The following TARS1 variants were observed in gnomAD, a reference collection of about 807,000 sequenced individuals.
TARS1 encodes the protein threonyl-tRNA synthetase 1.
In TARS1, 57 loss-of-function variants were observed where a neutral mutation model predicts 97.7. That is an observed-to-expected ratio of 0.58 (90% CI 0.47 to 0.73). The LOEUF is 0.73. Ranked by LOEUF, TARS1 falls within the 30% of genes least tolerant of loss-of-function variation. The probability of loss-of-function intolerance (pLI) is 0.00; values close to 1 mark genes in which losing one functional copy is unlikely to be tolerated. For synonymous variants in TARS1, 312 were observed against 293.7 expected (o/e 1.06, Z -0.64); for missense variants, 806 against 888.3 (o/e 0.91, Z 1.18).
rs768312357 is a variant in TARS1, at chr5:33,458,712, A to C, written c.1083+48A>C. The C allele has an allele frequency of 2.3e-5, 33 of 1,408,680 alleles. No homozygotes were observed. In the South Asian group the frequency reaches 3.3e-4, roughly 14 times the overall value. 87.3% of individuals were successfully genotyped at this position (1,408,680 alleles called of 1,614,324 possible). On this transcript the variant is annotated intron_variant, in intron 10 of 18. Transcript: ENST00000265112. The stretch of plus-strand genomic sequence containing the variant: ...TTCTTTAGATTTAGGATATGTGATC[A>C]TTTTATTAAATAAGGTCTACTAAAA...
At chr5:33,460,115 T>A (rs1416781310) in intron 11 of TARS1, 3 of 331,938 alleles carry the variant, frequency 9.0e-6, no homozygotes, top group Non-Finnish European at 1.6e-5. Context: ...TGCAGGTATA[T>A]GCCACCATGC....
chr5:33,441,435 C>T (rs1283039632), intron 1 of TARS1: 3 of 347,754 alleles, frequency 8.6e-6, no homozygotes, highest in Non-Finnish European at 1.6e-5. Flanking sequence ...TAGTTAGACG[C>T]GGAGACAGAA....
intron 1 of TARS1, among the ~76,000 whole-genome samples, chr5:33,443,202 C>G (rs1044446140): frequency 3.3e-5 from 5 of 152,198 alleles, no homozygotes; most frequent in African/African-American, 1.2e-4. Context: ...AATTTCCCAG[C>G]TCTATTACTT....
rs530559408 is a variant in TARS1 at position 33,454,603 on chromosome 5, A to G, written c.454-342A>G. On this transcript the variant is annotated intron_variant, in intron 4 of 18. Coordinates refer to ENST00000265112, the MANE Select transcript of TARS1 (RefSeq NM_152295.5). ...GCTGTGGGCACATTGACTCAAAAGA[A>G]CCTGGGCCATTGCAATCAATGAGTT... Among the ~76,000 whole-genome samples the G allele has an allele frequency of 1.6e-4, 25 of 152,356 alleles. No homozygotes were observed. The South Asian group carries it at 4.8e-3, about 29-fold the overall frequency.
At chr5:33,441,449 G>A (rs562782679) in intron 1 of TARS1, 10 of 331,404 alleles carry the variant, frequency 3.0e-5, no homozygotes, top group Middle Eastern at 9.1e-4. Flanking sequence ...GACAGAATCA[G>A]AATCTTAGGC....
intron 11 of TARS1, 162 bp downstream of exon 11, chr5:33,460,023 C>A: frequency 1.5e-6 from 1 of 653,388 alleles, no homozygotes; most frequent in African/African-American, 1.9e-5. Flanking sequence ...CTGATTAGAT[C>A]CCCACTTTTT....
rs759432043 is a variant in TARS1, at chr5:33,453,340, G to A, written c.381G>A (p.Trp127Ter). The A allele has an allele frequency of 6.2e-7, 1 of 1,612,252 alleles. No homozygotes were observed. The highest frequency in any genetic ancestry group is 1.3e-5 in the African/African-American group (1 of 74,562). The change falls in exon 4 of 19, where the codon TGG becomes TGA. Residue 127 changes from tryptophan (W) to a stop codon, truncating the protein, a stop_gained. Transcript: ENST00000265112. LOFTEE classifies it high-confidence loss of function. ...TTGCTAAAGTAAATAATGTTGTGTG[G>A]GACCTGGACCGCCCTCTGGAAGAAG... Reference protein sequence around the residue: ...TVIAKVNNVVWDLDRPLEEDC... With the variant: ...TVIAKVNNVV
In TARS1 at chr5:33,459,779, C is replaced by T. The variant is rs1441284886; in HGVS notation, c.1168C>T (p.Gln390Ter). 6.2e-7 allele frequency: 1 copy of T among 1,614,176 alleles called. No individual in the cohort carries two copies. Among genetic ancestry groups the T allele is most frequent in the Admixed American group, 1.7e-5 (1 of 60,020 alleles). Residue 390 changes from glutamine (Q) to a stop codon, truncating the protein, a stop_gained, in exon 11 of 19, where the codon CAG becomes TAG. Transcript: ENST00000265112. LOFTEE classifies it high-confidence loss of function. ...SRLWMTSGHW[Q>*]HYSENMFSFE... ...ACTCTGGATGACCTCGGGCCACTGG[C>T]AGCACTACAGCGAGAACATGTTCTC...
chr5:33,454,258 A>G (rs1176461278), intron 4 of TARS1, among the ~76,000 whole-genome samples: 1 of 152,166 alleles, frequency 6.6e-6, no homozygotes, highest in East Asian at 1.9e-4. Flanking sequence ...ATGATTGTTC[A>G]CTTATGTATG....
intron 11 of TARS1, 167 bp downstream of exon 11, chr5:33,460,028 CTTT>C (rs77381964): frequency 1.5e-3 from 555 of 378,744 alleles, no homozygotes; most frequent in East Asian, 2.1e-3. Context: ...TAGATCCCCA[CTTT>C]TTTTTTTTTT....
rs537299973 is a variant in TARS1, at chr5:33,445,186, C to A, written c.58-138C>A. On this transcript the variant is annotated intron_variant, in intron 1 of 18. Transcript: ENST00000265112. ...TGTCTTTGCCAGTGATGAAATTGTTCAGTCTTTCAATATCAGATTTCCATT... is the reference window on the plus strand; with the variant it reads ...TGTCTTTGCCAGTGATGAAATTGTTAAGTCTTTCAATATCAGATTTCCATT... The A allele has an allele frequency of 1.2e-4, 74 of 608,828 alleles. 1 individual carries two copies. Among genetic ancestry groups the A allele is most frequent in the Non-Finnish European group, 1.9e-4 (70 of 363,876 alleles). 37.7% of individuals were successfully genotyped at this position (608,828 alleles called of 1,614,324 possible).
intron 17 of TARS1, among the ~76,000 whole-genome samples, 194 bp downstream of exon 17, chr5:33,464,019 A>G (rs992806115): frequency 5.9e-5 from 9 of 152,222 alleles, no homozygotes; most frequent in African/African-American, 2.2e-4. Flanking sequence ...ATCAGAAGAC[A>G]TATTTGGATA....
At position 33,440,998 on chromosome 5, in the gene TARS1, C is replaced by G. The variant is rs958395186; in HGVS notation, c.-89C>G. 5.8e-6 allele frequency: 9 copies of G among 1,555,058 alleles called. No individual in the cohort carries two copies. The East Asian group carries it at 2.0e-4, about 35-fold the overall frequency. On this transcript the variant is annotated 5_prime_UTR_variant, in exon 1 of 19. Transcript: ENST00000265112. The stretch of plus-strand genomic sequence containing the variant: ...CAGCTGGTCCAGCCGAGGCCAAGTC[C>G]CGGGCGCTAGCCCACCTCCCACCCG...
In TARS1 at chr5:33,463,585, A is replaced by G. The variant is rs554157322; in HGVS notation, c.1836-168A>G. Among the ~76,000 whole-genome samples, 19 of 152,260 alleles carry G rather than the reference A, an allele frequency of 1.2e-4. 1 individual carries two copies. The highest frequency in any genetic ancestry group is 3.4e-3 in the Middle Eastern group (1 of 294). On this transcript the variant is annotated intron_variant, in intron 16 of 18. Transcript: ENST00000265112. ...TCTTCTCCTGCATCTCCTCGCCTTA[A>G]TCTTTATTGGATAGGTCTTTTCATT...
intron 16 of TARS1, among the ~76,000 whole-genome samples, chr5:33,463,171 CATT>C (rs1223331213): frequency 6.6e-6 from 1 of 152,202 alleles, no homozygotes; most frequent in Non-Finnish European, 1.5e-5. Context: ...TGGAGAAAAA[CATT>C]AGCCTGATGT....
intron 3 of TARS1, among the ~76,000 whole-genome samples, chr5:33,451,705 C>T (rs933973389): frequency 2.0e-5 from 3 of 152,136 alleles, no homozygotes; most frequent in Admixed American, 1.3e-4. Context: ...TTATTTTACC[C>T]TTCTTTGAAA....
chr5:33,457,513 G>A (rs1003000), intron 9 of TARS1, 110 bp downstream of exon 9: 831,511 of 1,249,744 alleles, frequency 0.67, 279,574 homozygotes, highest in East Asian at 0.89. Flanking sequence ...GAGATGTTGT[G>A]GCTTTTTAGT....
chr5:33,459,429 A>G (rs1742185620), intron 10 of TARS1, among the ~76,000 whole-genome samples: 2 of 152,200 alleles, frequency 1.3e-5, no homozygotes, highest in African/African-American at 2.4e-5. Context: ...AACTACCACA[A>G]TGCACTCATC....
At chr5:33,467,494 A>T (rs1742581781) in intron 18 of TARS1, 66 bp from the exon 19 acceptor site, 1 of 1,553,156 alleles carries the variant, frequency 6.4e-7, no homozygotes, top group Admixed American at 2.0e-5. Flanking sequence ...TTCTTTTCAG[A>T]TGTTCAGTGT....
Sources: allele counts gnomAD v4.1 joint callset (sites outside exome capture counted in the v4.1 genomes callset), GRCh38; gene constraint gnomAD v4.1.1; transcripts MANE v1.5; gene names NCBI Gene and HGNC (gene_info 2026-07-23, HGNC 2026-07-21).